The following NEK10 variants were observed in gnomAD, a reference collection of about 807,000 sequenced individuals.
NEK10 encodes NIMA related kinase 10.
Under a neutral mutation model 159.8 loss-of-function variants are expected in NEK10, and 122 were observed. The ratio of observed to expected loss-of-function variants is 0.76; its 90% CI spans 0.66 to 0.89. NEK10 has a LOEUF of 0.89. Ranked by LOEUF, NEK10 falls within the 40% of genes least tolerant of loss-of-function variation. The probability of loss-of-function intolerance (pLI) is 0.00; values close to 1 mark genes in which losing one functional copy is unlikely to be tolerated. For synonymous variants in NEK10, 466 were observed against 457.1 expected (o/e 1.02, Z -0.25); for missense variants, 1,342 against 1,323.1 (o/e 1.01, Z -0.22).
chr3:27,302,079 C>T (rs1418531334), intron 12 of NEK10, among the ~76,000 whole-genome samples: 1 of 152,120 alleles, frequency 6.6e-6, no homozygotes, highest in Non-Finnish European at 1.5e-5. Context: ...ACATGGCCAC[C>T]TTTGTTTTTG....
intron 22 of NEK10, among the ~76,000 whole-genome samples, chr3:27,259,029 G>C (rs1030564072): frequency 5.3e-5 from 8 of 151,904 alleles, no homozygotes; most frequent in Non-Finnish European, 8.8e-5. Flanking sequence ...TTTGAGAAGT[G>C]TCTGTTTATA....
chr3:27,355,650 C>T (rs980939980), intron 1 of NEK10, among the ~76,000 whole-genome samples: 1 of 152,098 alleles, frequency 6.6e-6, no homozygotes, highest in African/African-American at 2.4e-5. Flanking sequence ...TGCCACAACC[C>T]CCTCAAGAGT....
At chr3:27,213,848 T>C (rs1020778760) in intron 23 of NEK10, among the ~76,000 whole-genome samples, 3 of 152,226 alleles carry the variant, frequency 2.0e-5, no homozygotes, top group African/African-American at 7.2e-5. Context: ...TTAAAGGCCC[T>C]GCAAAGCTGT....
chr3:27,141,429 A>T, intron 31 of NEK10, 53 bp downstream of exon 31: 1 of 1,334,444 alleles, frequency 7.5e-7, no homozygotes, highest in Non-Finnish European at 1.1e-6. Context: ...CAGCAATATT[A>T]GCACCAAACT....
chr3:27,336,350 A>G (rs1440439807), intron 5 of NEK10, among the ~76,000 whole-genome samples: 3 of 152,172 alleles, frequency 2.0e-5, no homozygotes, highest in Non-Finnish European at 4.4e-5. Context: ...TAAATAAGTA[A>G]TAAAAATTCT....
At chr3:27,246,204 T>C (rs1376348193) in intron 23 of NEK10, among the ~76,000 whole-genome samples, 1 of 152,180 alleles carries the variant, frequency 6.6e-6, no homozygotes, top group African/African-American at 2.4e-5. Context: ...TGGCATTATG[T>C]ACCTACATTC....
chr3:27,253,193 C>T (rs909129700), intron 23 of NEK10, among the ~76,000 whole-genome samples: 5 of 151,990 alleles, frequency 3.3e-5, no homozygotes, highest in African/African-American at 1.2e-4. Flanking sequence ...CTAATAATTC[C>T]CATTCCAGGA....
At chr3:27,228,826 A>G (rs767841443) in intron 23 of NEK10, among the ~76,000 whole-genome samples, 30 of 152,258 alleles carry the variant, frequency 2.0e-4, no homozygotes, top group Middle Eastern at 3.4e-3. Flanking sequence ...GATAGGAGTA[A>G]GGCTGGGAGG....
chr3:27,178,981 T>C (rs1310269295), intron 26 of NEK10, among the ~76,000 whole-genome samples: 1 of 152,218 alleles, frequency 6.6e-6, no homozygotes, highest in East Asian at 1.9e-4. Flanking sequence ...TTGCCCAGGC[T>C]GTTCTTGAAC....
chr3:27,260,656 A>G (rs2149347651), intron 22 of NEK10, among the ~76,000 whole-genome samples: 1 of 152,320 alleles, frequency 6.6e-6, no homozygotes, highest in South Asian at 2.1e-4. Context: ...ATCAATGTTC[A>G]TCAGGGATAT....
chr3:27,335,383 A>G (rs2046727736), intron 5 of NEK10, among the ~76,000 whole-genome samples: 1 of 151,952 alleles, frequency 6.6e-6, no homozygotes, highest in Admixed American at 6.6e-5. Context: ...CTAAAGAGAG[A>G]GATAGACTCT....
At chr3:27,266,397 G>C (rs1335451979) in intron 22 of NEK10, among the ~76,000 whole-genome samples, 41 of 139,842 alleles carry the variant, frequency 2.9e-4, no homozygotes, top group Admixed American at 2.9e-3. Context: ...TTTTTTTATG[G>C]GGATTTGCAA....
At chr3:27,170,413 A>G (rs1946862831) in intron 29 of NEK10, among the ~76,000 whole-genome samples, 1 of 152,180 alleles carries the variant, frequency 6.6e-6, no homozygotes, top group Non-Finnish European at 1.5e-5. Context: ...AGCTGTCTAG[A>G]ATATTGGCCT....
intron 22 of NEK10, among the ~76,000 whole-genome samples, chr3:27,282,637 G>GTGTTATATATATATACATAAC (rs2149450835): frequency 8.2e-6 from 1 of 122,264 alleles, no homozygotes; most frequent in Admixed American, 8.4e-5. Flanking sequence ...ATACATAACT[G>GTGTTATATATATATACATAAC]TGTTATATAT....
chr3:27,193,782 T>C (rs1949330210), intron 25 of NEK10, among the ~76,000 whole-genome samples: 1 of 152,050 alleles, frequency 6.6e-6, no homozygotes, highest in Non-Finnish European at 1.5e-5. Flanking sequence ...TTTTGCACCA[T>C]TTGCACTTAA....
intron 29 of NEK10, among the ~76,000 whole-genome samples, chr3:27,165,993 T>C (rs575195059): frequency 6.6e-6 from 1 of 152,316 alleles, no homozygotes; most frequent in East Asian, 1.9e-4. Flanking sequence ...ATCATTTAAT[T>C]CAATTGTGAA....
intron 26 of NEK10, among the ~76,000 whole-genome samples, chr3:27,178,226 G>A (rs1432341992): frequency 6.6e-6 from 1 of 152,100 alleles, no homozygotes; most frequent in African/African-American, 2.4e-5. Flanking sequence ...ATTTTCAGTT[G>A]AATAGCAATT....
intron 26 of NEK10, among the ~76,000 whole-genome samples, chr3:27,185,397 T>C (rs768603625): frequency 2.6e-5 from 4 of 152,154 alleles, no homozygotes; most frequent in Non-Finnish European, 5.9e-5. Context: ...TGGGTAGGAA[T>C]GTGGAAGATG....
chr3:27,262,890 TGGA>T (rs2040540297), intron 22 of NEK10, among the ~76,000 whole-genome samples: 1 of 152,228 alleles, frequency 6.6e-6, no homozygotes, highest in Admixed American at 6.5e-5. Context: ...TGCATTCCTT[TGGA>T]GGAGGAGAGG....
Sources: gnomAD v4.1 joint callset for allele counts (sites outside exome capture counted in the v4.1 genomes callset) on GRCh38, gnomAD v4.1.1 for gene constraint, MANE v1.5 for transcripts, NCBI Gene and HGNC (gene_info 2026-07-23, HGNC 2026-07-21) for gene names.